CADPS: variants seen among roughly 807,000 people sequenced by gnomAD.
The protein encoded by CADPS is calcium-dependent secretion activator 1.
A neutral mutation model predicts 167.3 loss-of-function variants in CADPS; 57 were observed. The ratio of observed to expected loss-of-function variants is 0.34; its 90% confidence interval spans 0.28 to 0.42. The LOEUF (loss-of-function observed/expected upper bound fraction) is 0.42. Ranked by LOEUF, CADPS falls within the 20% of genes least tolerant of loss-of-function variation. The pLI is 1.00. For missense variants in CADPS, 1,414 were observed against 1,738.1 expected (o/e 0.81, Z 3.32); for synonymous variants, 676 against 635.3 (o/e 1.06, Z -0.96).
intron 3 of CADPS, among the ~76,000 whole-genome samples, chr3:62,665,612 C>A (rs1370389690): frequency 6.6e-6 from 1 of 152,194 alleles, no homozygotes; most frequent in Non-Finnish European, 1.5e-5. Flanking sequence ...CTTGTAGACA[C>A]GGGCCAGTTT....
At chr3:62,515,896 G>C (rs2068852069) in intron 16 of CADPS, among the ~76,000 whole-genome samples, 163 bp downstream of exon 16, 1 of 151,990 alleles carries the variant, frequency 6.6e-6, no homozygotes, top group Admixed American at 6.6e-5. Context: ...TCATTTACTT[G>C]GCCACAGCCA....
At chr3:62,453,526 T>A (rs1294907019) in intron 26 of CADPS, among the ~76,000 whole-genome samples, 4 of 152,178 alleles carry the variant, frequency 2.6e-5, no homozygotes, top group Non-Finnish European at 5.9e-5. Flanking sequence ...ACTCAATACA[T>A]AATCTGGATG....
chr3:62,441,606 T>C (rs2056321436), intron 27 of CADPS, among the ~76,000 whole-genome samples: 1 of 152,196 alleles, frequency 6.6e-6, no homozygotes, highest in Non-Finnish European at 1.5e-5. Flanking sequence ...GGTGACTAAC[T>C]GCTAGTGCCC....
chr3:62,493,653 T>C lies in CADPS; in HGVS notation c.2719A>G (p.Lys907Glu), dbSNP rs772245834. Residue 907 changes from lysine (K) to glutamate (E), a missense_variant, in exon 19 of 30, where the codon AAA becomes GAA. Physicochemically the swap from Lys to Glu is moderately conservative, Grantham distance 56. This residue lies in a region of CADPS where 529 missense variants were observed against 629.6 expected (regional missense o/e 0.84). Coordinates refer to ENST00000383710, the MANE Select transcript of CADPS (RefSeq NM_003716.4). ...GATTTCACTTTACTTACTTCTCCTTTATCAACATGTGGCTGGTTTGCAAAT... is the reference window on the plus strand; with the variant it reads ...GATTTCACTTTACTTACTTCTCCTTCATCAACATGTGGCTGGTTTGCAAAT... ...EEHHAEPHVDKGEAFAWWSDL... is the reference protein window; with the variant it reads ...EEHHAEPHVDEGEAFAWWSDL... 10 of 1,555,908 alleles carry C rather than the reference T, an allele frequency of 6.4e-6. No homozygotes were observed. The highest frequency in any genetic ancestry group is 8.7e-6 in the Non-Finnish European group (10 of 1,148,460).
At chr3:62,483,308 G>C (rs992105591) in intron 21 of CADPS, among the ~76,000 whole-genome samples, 1 of 144,650 alleles carries the variant, frequency 6.9e-6, no homozygotes, top group Non-Finnish European at 1.5e-5. Flanking sequence ...GTGGGGAAGT[G>C]GGGGAGTAGG....
Position 62,466,331 on chromosome 3 carries a change from G to A in CADPS, c.3552+8C>T. Reference sequence around the variant, plus strand: ...CAATGAAACATTTCACCTGAAGCTGGAGGTTACCTTTGCAACCAAGAGTGT... The same window carrying A: ...CAATGAAACATTTCACCTGAAGCTGAAGGTTACCTTTGCAACCAAGAGTGT... On this transcript the variant is annotated splice_region_variant and intron_variant, in intron 25 of 29. Coordinates refer to ENST00000383710, the MANE Select transcript of CADPS (RefSeq NM_003716.4). 3 of 1,591,426 alleles carry A rather than the reference G, an allele frequency of 1.9e-6. No individual in the cohort carries two copies. Among genetic ancestry groups the A allele is most frequent in the African/African-American group, 1.3e-5 (1 of 74,546 alleles).
chr3:62,655,578 C>T (rs956550230), intron 4 of CADPS, among the ~76,000 whole-genome samples: 3 of 152,116 alleles, frequency 2.0e-5, no homozygotes, highest in Admixed American at 6.5e-5. Flanking sequence ...TAATGCCTCC[C>T]TTGGCTGCTG....
chr3:62,733,168 T>C (rs2078262782), intron 3 of CADPS, among the ~76,000 whole-genome samples: 1 of 152,248 alleles, frequency 6.6e-6, no homozygotes, highest in Non-Finnish European at 1.5e-5. Context: ...CATTACTCTG[T>C]ATGCGTTTGA....
intron 1 of CADPS, among the ~76,000 whole-genome samples, chr3:62,784,756 AAAAAC>A (rs201522762): frequency 0.19 from 7,808 of 40,740 alleles, 531 homozygotes; most frequent in East Asian, 0.43. Context: ...GAATGCAAGC[AAAAAC>A]AAAAAAAAAA....
intron 12 of CADPS, 62 bp downstream of exon 12, chr3:62,536,383 G>C: frequency 7.0e-7 from 1 of 1,425,374 alleles, no homozygotes. Context: ...TAAAGGTAGA[G>C]AAATATTTAA....
intron 3 of CADPS, among the ~76,000 whole-genome samples, chr3:62,689,917 C>T (rs1039676): frequency 0.87 from 132,835 of 151,898 alleles, 58,245 homozygotes; most frequent in East Asian, 0.98. Flanking sequence ...AAAGTATGTT[C>T]GAGGAGATCC....
rs562354656 is a variant in CADPS at position 62,793,725 on chromosome 3, C to G, written c.442-27741G>C. On this transcript the variant is annotated intron_variant, in intron 1 of 29. Transcript: ENST00000383710. Reference sequence around the variant, plus strand: ...CATACAATTTTTTTAAAAATTGAAACCATCCTGAGCATATGGTATGAATGT... The same window carrying G: ...CATACAATTTTTTTAAAAATTGAAAGCATCCTGAGCATATGGTATGAATGT... 3.9e-5 allele frequency among the ~76,000 whole-genome samples: 6 copies of G among 152,250 alleles called. No homozygotes were observed. The East Asian group carries it at 1.2e-3, about 29-fold the overall frequency.
chr3:62,818,335 A>G (rs1160895873), intron 1 of CADPS, among the ~76,000 whole-genome samples: 1 of 152,130 alleles, frequency 6.6e-6, no homozygotes, highest in Non-Finnish European at 1.5e-5. Context: ...CGTTCCTACA[A>G]CTCAATAGCA....
At chr3:62,746,426 C>A (rs907007380) in intron 3 of CADPS, among the ~76,000 whole-genome samples, 1 of 152,130 alleles carries the variant, frequency 6.6e-6, no homozygotes, top group African/African-American at 2.4e-5. Flanking sequence ...GCCTTCACCT[C>A]CTGGTCTCAA....
At chr3:62,413,906 AT>A (rs2049495182) in intron 28 of CADPS, among the ~76,000 whole-genome samples, 1 of 152,090 alleles carries the variant, frequency 6.6e-6, no homozygotes, top group Non-Finnish European at 1.5e-5. Context: ...AAAAAAAAAA[AT>A]CTTTGTAAGA....
At chr3:62,592,325 T>G (rs556820256) in intron 7 of CADPS, among the ~76,000 whole-genome samples, 1 of 152,312 alleles carries the variant, frequency 6.6e-6, no homozygotes, top group South Asian at 2.1e-4. Context: ...GAACTCCACT[T>G]TAAGACAGTA....
intron 1 of CADPS, among the ~76,000 whole-genome samples, chr3:62,853,144 A>T (rs1422322541): frequency 2.0e-5 from 3 of 152,188 alleles, no homozygotes; most frequent in Non-Finnish European, 4.4e-5. Context: ...GACAAACAGG[A>T]AATGTCACTG....
rs558215944 is a variant in CADPS, at chr3:62,675,671, G to A, written c.889-13277C>T. ...CAAATTAAGATGGCCCTAGGGTCTC[G>A]TAATCTAATTTACTTCTAATGTACC... On this transcript the variant is annotated intron_variant, in intron 3 of 29. Coordinates refer to ENST00000383710, the MANE Select transcript of CADPS (RefSeq NM_003716.4). Among the ~76,000 whole-genome samples the A allele has an allele frequency of 3.3e-5, 5 of 152,158 alleles. No individual in the cohort carries two copies. In the East Asian group the frequency reaches 5.8e-4, roughly 18 times the overall value.
At chr3:62,403,969 C>T (rs1215860826) in intron 28 of CADPS, 1 of 152,202 alleles carries the variant, frequency 6.6e-6, no homozygotes, top group African/African-American at 2.4e-5. Flanking sequence ...TCACTTTAGA[C>T]TGCCACCCCT....
Sources: gnomAD v4.1 joint callset for allele counts (sites outside exome capture counted in the v4.1 genomes callset) on GRCh38, gnomAD v4.1.1 for gene constraint, gnomAD v4.1.1 regional missense constraint, MANE v1.5 for transcripts, NCBI Gene and HGNC (gene_info 2026-07-23, HGNC 2026-07-21) for gene names.